SULT1B1: variants seen among roughly 807,000 people sequenced by gnomAD.
SULT1B1 encodes sulfotransferase family 1B member 1, also known as sulfotransferase 1B1.
SULT1B1 carries 28 observed loss-of-function variants against 34.6 expected under a neutral mutation model. The ratio of observed to expected loss-of-function variants is 0.81; its 90% CI spans 0.60 to 1.11. SULT1B1 has a LOEUF of 1.11. SULT1B1 is among the 50% of genes least tolerant of loss of function. SULT1B1 has a pLI of 0.00. For synonymous variants in SULT1B1, 147 were observed against 110.2 expected (o/e 1.33, Z -2.09); for missense variants, 374 against 352.2 (o/e 1.06, Z -0.50).
rs758634046 is a variant in SULT1B1, at chr4:69,726,844, G to C, written c.*244C>G. ...GTGTAGAAAAAGGCAGGAAGAGCCT[G>C]TGGTTACATTGTTCCTTTGTTACAA... is the stretch of plus-strand genomic sequence containing the variant. On this transcript the variant is annotated 3_prime_UTR_variant, in exon 8 of 8. Transcript: ENST00000310613. The C allele has an allele frequency of 2.3e-5, 8 of 353,062 alleles. No individual in the cohort carries two copies. Among genetic ancestry groups the C allele is most frequent in the Admixed American group, 4.7e-5 (1 of 21,392 alleles). The allele number at this position is 353,062 out of a possible 1,614,324, so 21.9% of individuals were successfully genotyped here.
chr4:69,751,574 C>A (rs532552582), intron 3 of SULT1B1, among the ~76,000 whole-genome samples: 9 of 152,238 alleles, frequency 5.9e-5, no homozygotes, highest in African/African-American at 1.9e-4. Flanking sequence ...GCCTCAGCCT[C>A]CCGAGTAGTT....
chr4:69,742,976 C>T (rs1184519450), intron 4 of SULT1B1, among the ~76,000 whole-genome samples: 3 of 152,204 alleles, frequency 2.0e-5, no homozygotes, highest in Non-Finnish European at 4.4e-5. Flanking sequence ...CACCCAGAAG[C>T]TTGGAGACAC....
chr4:69,721,228 C>A lies in SULT1B1; in HGVS notation c.*5860G>T, dbSNP rs983366891. Reference sequence around the variant, plus strand: ...CAGTTAAAAAAGGATTACTTCACTGCTGAAAGTAATGTCTCGATAATGTGG... The same window carrying A: ...CAGTTAAAAAAGGATTACTTCACTGATGAAAGTAATGTCTCGATAATGTGG... On this transcript the variant is annotated 3_prime_UTR_variant, in exon 8 of 8. Coordinates refer to ENST00000310613, the MANE Select transcript of SULT1B1 (RefSeq NM_014465.4). The A allele has an allele frequency of 3.3e-5, 5 of 152,106 alleles. No homozygotes were observed. The South Asian group carries it at 1.0e-3, about 32-fold the overall frequency. The allele number at this position is 152,106 out of a possible 1,614,324, so 9.4% of individuals were successfully genotyped here.
At chr4:69,744,610 T>C (rs1198245131) in intron 4 of SULT1B1, among the ~76,000 whole-genome samples, 1 of 152,224 alleles carries the variant, frequency 6.6e-6, no homozygotes, top group Admixed American at 6.5e-5. Flanking sequence ...TATTTGGATC[T>C]TCTCTCTTTT....
intron 4 of SULT1B1, among the ~76,000 whole-genome samples, chr4:69,737,346 A>T (rs995036081): frequency 3.3e-5 from 5 of 152,210 alleles, no homozygotes; most frequent in Non-Finnish European, 5.9e-5. Flanking sequence ...GAAATAGCTA[A>T]GGGAAGTTCT....
At chr4:69,749,219 T>A (rs1029127957) in intron 4 of SULT1B1, among the ~76,000 whole-genome samples, 3 of 152,074 alleles carry the variant, frequency 2.0e-5, no homozygotes, top group Non-Finnish European at 4.4e-5. Context: ...TATTAACAAC[T>A]TTTCATTCAT....
At chr4:69,754,597 G>T in intron 3 of SULT1B1, 73 bp downstream of exon 3, 1 of 1,449,316 alleles carries the variant, frequency 6.9e-7, no homozygotes, top group Non-Finnish European at 9.4e-7. Flanking sequence ...TTCAGTGAAA[G>T]TCACACATAC....
At chr4:69,737,490 T>C (rs967555448) in intron 4 of SULT1B1, among the ~76,000 whole-genome samples, 1 of 152,184 alleles carries the variant, frequency 6.6e-6, no homozygotes, top group Non-Finnish European at 1.5e-5. Context: ...TATTTTACAA[T>C]TGAGGCAAAA....
Position 69,734,220 on chromosome 4 carries a change from A to G in SULT1B1, c.420T>C (p.Tyr140=). ...AATTATTCATTAAGTCAAAATGGTA[A>G]TATGAGACTGAAACATCCTTGGCAT... ...ARNAKDVSVS[Y]YHFDLMNNLQ... is the part of the protein sequence containing the mutation. Residue 140 remains tyrosine, a synonymous_variant, in exon 5 of 8, where the codon TAT becomes TAC. Coordinates refer to ENST00000310613, the MANE Select transcript of SULT1B1 (RefSeq NM_014465.4). 1.2e-6 allele frequency: 2 copies of G among 1,613,408 alleles called. No homozygotes were observed. The highest frequency in any genetic ancestry group is 1.3e-5 in the African/African-American group (1 of 75,022).
chr4:69,754,805 C>T lies in SULT1B1; in HGVS notation c.149-7G>A, dbSNP rs757612625. 2 of 1,606,328 alleles carry T rather than the reference C, an allele frequency of 1.2e-6. No individual in the cohort carries two copies. Among genetic ancestry groups the T allele is most frequent in the South Asian group, 2.2e-5 (2 of 89,336 alleles). On this transcript the variant is annotated splice_polypyrimidine_tract_variant and splice_region_variant and intron_variant, in intron 2 of 7. Coordinates refer to ENST00000310613, the MANE Select transcript of SULT1B1 (RefSeq NM_014465.4). ...TCACTAACCCAAGTAGTACCTGTGACAAAAGGCAACATTTTCAAAATAATT... is the reference window on the plus strand; with the variant it reads ...TCACTAACCCAAGTAGTACCTGTGATAAAAGGCAACATTTTCAAAATAATT...
intron 3 of SULT1B1, among the ~76,000 whole-genome samples, chr4:69,751,483 A>G (rs55951664): frequency 0.52 from 78,998 of 152,006 alleles, 20,797 homozygotes; most frequent in East Asian, 0.72. Context: ...ACGGAGTCTC[A>G]CTCTGTCGCC....
At chr4:69,747,765 T>C (rs889911026) in intron 4 of SULT1B1, among the ~76,000 whole-genome samples, 4 of 152,120 alleles carry the variant, frequency 2.6e-5, no homozygotes, top group Admixed American at 6.5e-5. Context: ...TGGAGGTCCA[T>C]GGTAAGAGTG....
intron 4 of SULT1B1, among the ~76,000 whole-genome samples, chr4:69,734,991 T>C (rs574870271): frequency 2.6e-4 from 40 of 152,204 alleles, no homozygotes; most frequent in African/African-American, 9.6e-4. Flanking sequence ...GCTAATTTTT[T>C]GTATTTTTAG....
intron 4 of SULT1B1, among the ~76,000 whole-genome samples, chr4:69,736,812 A>T (rs1390054658): frequency 6.6e-6 from 1 of 152,084 alleles, no homozygotes; most frequent in Non-Finnish European, 1.5e-5. Context: ...TTAACAACAC[A>T]GAGAAAATAG....
At chr4:69,751,160 T>A (rs1718965580) in intron 3 of SULT1B1, among the ~76,000 whole-genome samples, 1 of 152,230 alleles carries the variant, frequency 6.6e-6, no homozygotes, top group Non-Finnish European at 1.5e-5. Flanking sequence ...CCTCTACTGA[T>A]CTAGCAGCTA....
chr4:69,733,290 A>G (rs1718155094), intron 6 of SULT1B1, 123 bp downstream of exon 6: 1 of 575,016 alleles, frequency 1.7e-6, no homozygotes. Context: ...GTAAAAACAC[A>G]TGGTGGATAG....
chr4:69,741,413 G>A (rs12644598), intron 4 of SULT1B1, among the ~76,000 whole-genome samples: 11,199 of 152,066 alleles, frequency 0.074, 473 homozygotes, highest in African/African-American at 0.11. Flanking sequence ...TTTTCTAGTT[G>A]TGTGAAGAAT....
At chr4:69,746,434 G>A (rs150132833) in intron 4 of SULT1B1, among the ~76,000 whole-genome samples, 3 of 152,172 alleles carry the variant, frequency 2.0e-5, no homozygotes, top group Admixed American at 2.0e-4. Flanking sequence ...GTCTGCCTGT[G>A]TTGATTCAAA....
At position 69,754,700 on chromosome 4, in the gene SULT1B1, C is replaced by A. The variant is rs758847812; in HGVS notation, c.247G>T (p.Glu83Ter). The A allele has an allele frequency of 1.2e-6, 2 of 1,613,102 alleles. No homozygotes were observed. The highest frequency in any genetic ancestry group is 3.3e-5 in the Admixed American group (2 of 59,926). Residue 83 changes from glutamate (E) to a stop codon, truncating the protein, a stop_gained, in exon 3 of 8, where the codon GAA (glutamate) becomes TAA (stop). Transcript: ENST00000310613. LOFTEE classifies it high-confidence loss of function. ...GFITEKVPML[E>*]MTLPGLRTSG... ...GTTCTTAATCCAGGGAGAGTCATTTCCAACATTGGAACTTTTTCAGTAATA... is the reference window on the plus strand; with the variant it reads ...GTTCTTAATCCAGGGAGAGTCATTTACAACATTGGAACTTTTTCAGTAATA...
Sources: gnomAD v4.1 joint callset for allele counts (sites outside exome capture counted in the v4.1 genomes callset) on GRCh38, gnomAD v4.1.1 for gene constraint, MANE v1.5 for transcripts, NCBI Gene and HGNC (gene_info 2026-07-23, HGNC 2026-07-21) for gene names.